The following LMBR1 variants were observed in gnomAD, a reference collection of about 807,000 sequenced individuals.
The protein encoded by LMBR1 is limb region 1 protein homolog.
LMBR1 carries 52 observed loss-of-function variants against 73.9 expected under a neutral mutation model. That is an observed-to-expected ratio of 0.70 (90% CI 0.56 to 0.89). LMBR1 has a LOEUF of 0.89. Ranked by LOEUF, LMBR1 falls within the 40% of genes least tolerant of loss-of-function variation. The probability of loss-of-function intolerance (pLI) is 0.00; values close to 1 mark genes in which losing one functional copy is unlikely to be tolerated. For synonymous variants in LMBR1, 215 were observed against 209.4 expected (o/e 1.03, Z -0.23); for missense variants, 539 against 579.8 (o/e 0.93, Z 0.72).
At chr7:156,859,196 C>G (rs1230739395) in intron 1 of LMBR1, among the ~76,000 whole-genome samples, 1 of 151,094 alleles carries the variant, frequency 6.6e-6, no homozygotes, top group Non-Finnish European at 1.5e-5. Flanking sequence ...TGCAGTGAGC[C>G]GAGATTGCGC....
At chr7:156,754,053 T>C (rs1821401590) in intron 9 of LMBR1, among the ~76,000 whole-genome samples, 1 of 152,180 alleles carries the variant, frequency 6.6e-6, no homozygotes, top group South Asian at 2.1e-4. Flanking sequence ...TTAATTAAGA[T>C]CCGTAATAAG....
intron 5 of LMBR1, among the ~76,000 whole-genome samples, chr7:156,765,421 G>T (rs1823907251): frequency 6.6e-6 from 1 of 152,156 alleles, no homozygotes; most frequent in Admixed American, 6.5e-5. Context: ...TGCCATGATT[G>T]TAAGTTTCCT....
chr7:156,711,171 G>A (rs1812009321), intron 15 of LMBR1, among the ~76,000 whole-genome samples: 1 of 152,114 alleles, frequency 6.6e-6, no homozygotes, highest in South Asian at 2.1e-4. Flanking sequence ...TTAGCTGTGT[G>A]TGGTGGCGCA....
At chr7:156,710,271 G>A (rs1389448492) in intron 15 of LMBR1, among the ~76,000 whole-genome samples, 1 of 152,124 alleles carries the variant, frequency 6.6e-6, no homozygotes, top group Non-Finnish European at 1.5e-5. Context: ...TTAAAGAAAT[G>A]TTAACAATAT....
chr7:156,756,284 G>A (rs1821855940), intron 9 of LMBR1, 109 bp downstream of exon 9: 4 of 634,008 alleles, frequency 6.3e-6, no homozygotes, highest in Non-Finnish European at 1.1e-5. Context: ...TTCTCCTCTT[G>A]TAGCAGCACA....
At chr7:156,769,823 A>T (rs1163915979) in intron 5 of LMBR1, among the ~76,000 whole-genome samples, 1 of 152,194 alleles carries the variant, frequency 6.6e-6, no homozygotes, top group East Asian at 1.9e-4. Flanking sequence ...CGTGGTAATA[A>T]GCCAGGCTGC....
Position 156,763,143 on chromosome 7 carries a change from G to A in LMBR1, c.584C>T (p.Ser195Phe). The part of the protein sequence containing the change: ...LWEFYLPYLY[S>F]CISLMGCLLL... ...CAAACATCCCATCAATGATATACAG[G>A]AATATAAATAGGGTAGATAGAACTC... The change falls in exon 7 of 17, where the codon TCC (serine) becomes TTC (phenylalanine). Residue 195 changes from serine (S) to phenylalanine (F), a missense_variant. Physicochemically the swap from Ser to Phe is radical, Grantham distance 155. This residue lies in a region of LMBR1 where 454 missense variants were observed against 473.4 expected (regional missense o/e 0.96). Transcript: ENST00000353442. The A allele has an allele frequency of 7.0e-7, 1 of 1,419,688 alleles. No homozygotes were observed. The highest frequency in any genetic ancestry group is 2.4e-5 in the East Asian group (1 of 42,232). 87.9% of individuals were successfully genotyped at this position (1,419,688 alleles called of 1,614,324 possible).
intron 1 of LMBR1, among the ~76,000 whole-genome samples, chr7:156,885,769 C>G (rs1385663472): frequency 6.6e-6 from 1 of 151,952 alleles, no homozygotes; most frequent in Non-Finnish European, 1.5e-5. Context: ...ATCCCAGCTA[C>G]TGGGAGGCTG....
intron 1 of LMBR1, among the ~76,000 whole-genome samples, chr7:156,843,835 CAAAA>C (rs11288663): frequency 3.3e-5 from 4 of 120,908 alleles, no homozygotes; most frequent in Admixed American, 8.5e-5. Flanking sequence ...GACCCTGTCT[CAAAA>C]AAAAAAAAAA....
chr7:156,835,448 A>G (rs1837441626), intron 2 of LMBR1, among the ~76,000 whole-genome samples: 1 of 152,184 alleles, frequency 6.6e-6, no homozygotes, highest in Non-Finnish European at 1.5e-5. Context: ...TAATCCCAGC[A>G]CTTTAGGAAG....
chr7:156,854,375 T>G (rs1391487460), intron 1 of LMBR1, among the ~76,000 whole-genome samples: 1 of 152,208 alleles, frequency 6.6e-6, no homozygotes, highest in Non-Finnish European at 1.5e-5. Flanking sequence ...CACACTTTTT[T>G]AAAGTTTTTC....
At chr7:156,818,207 T>C (rs926223655) in intron 4 of LMBR1, among the ~76,000 whole-genome samples, 3 of 152,228 alleles carry the variant, frequency 2.0e-5, no homozygotes, top group Non-Finnish European at 2.9e-5. Context: ...GGATCTTCTA[T>C]GGAACTTAAA....
intron 9 of LMBR1, among the ~76,000 whole-genome samples, chr7:156,738,326 T>C (rs1818274070): frequency 6.6e-6 from 1 of 152,112 alleles, no homozygotes; most frequent in African/African-American, 2.4e-5. Flanking sequence ...ATCCCAGTGG[T>C]CAAAACTTGA....
chr7:156,732,721 G>A (rs1817089488), intron 10 of LMBR1, among the ~76,000 whole-genome samples: 1 of 152,132 alleles, frequency 6.6e-6, no homozygotes, highest in Non-Finnish European at 1.5e-5. Context: ...TGAGCAGTGG[G>A]GAATACTTAA....
rs904865797 is a variant in LMBR1, at chr7:156,725,117, G to A, written c.1158+318C>T. The stretch of plus-strand genomic sequence containing the variant: ...TCAGACTTCAAACAAGCTCCCTGAA[G>A]TACAGTTAGCACAATCCAAGTTACT... On this transcript the variant is annotated intron_variant, in intron 14 of 16. Coordinates refer to ENST00000353442, the MANE Select transcript of LMBR1 (RefSeq NM_022458.4). Among the ~76,000 whole-genome samples the A allele has an allele frequency of 6.6e-5, 10 of 152,250 alleles. No individual in the cohort carries two copies. The East Asian group carries it at 1.9e-3, about 29-fold the overall frequency.
In LMBR1 at chr7:156,769,177, C is replaced by A. The variant is rs1281573378; in HGVS notation, c.424-5382G>T. On this transcript the variant is annotated intron_variant, in intron 5 of 16. Coordinates refer to ENST00000353442, the MANE Select transcript of LMBR1 (RefSeq NM_022458.4). ...CCCAAACACCCTACTCAAAAAGTCACCTGATGCCAGGCTCAGTAGCTCACA... is the reference window on the plus strand; with the variant it reads ...CCCAAACACCCTACTCAAAAAGTCAACTGATGCCAGGCTCAGTAGCTCACA... Among the ~76,000 whole-genome samples the A allele has an allele frequency of 1.3e-5, 2 of 152,056 alleles. No homozygotes were observed. The highest frequency in any genetic ancestry group is 1.3e-4 in the Admixed American group (2 of 15,264).
intron 4 of LMBR1, among the ~76,000 whole-genome samples, chr7:156,814,195 T>G (rs1380001072): frequency 6.6e-6 from 1 of 152,236 alleles, no homozygotes; most frequent in East Asian, 1.9e-4. Flanking sequence ...ATCCCAGATC[T>G]CTTTTTCTTT....
At chr7:156,764,663 TTA>T (rs1823757616) in intron 5 of LMBR1, among the ~76,000 whole-genome samples, 1 of 152,250 alleles carries the variant, frequency 6.6e-6, no homozygotes, top group Admixed American at 6.5e-5. Context: ...ATAAATTATG[TTA>T]TCTCATTCCA....
intron 9 of LMBR1, among the ~76,000 whole-genome samples, chr7:156,742,614 T>C (rs761142400): frequency 6.6e-6 from 1 of 152,046 alleles, no homozygotes; most frequent in Non-Finnish European, 1.5e-5. Context: ...ATCAAACCTG[T>C]AATAAAAAGT....
Sources: allele counts gnomAD v4.1 joint callset (sites outside exome capture counted in the v4.1 genomes callset), GRCh38; gene constraint gnomAD v4.1.1; regional missense constraint gnomAD v4.1.1; transcripts MANE v1.5; gene names NCBI Gene and HGNC (gene_info 2026-07-23, HGNC 2026-07-21).